The following TRIM44 variants were observed in gnomAD, a reference collection of about 807,000 sequenced individuals.
TRIM44 encodes the protein tripartite motif containing 44, also known as tripartite motif-containing protein 44.
Under a neutral mutation model 37.4 loss-of-function variants are expected in TRIM44, and 13 were observed. The observed-to-expected ratio is 0.35, with a 90% CI of 0.23 to 0.55. TRIM44 has a LOEUF of 0.55. Ranked by LOEUF, TRIM44 falls within the 20% of genes least tolerant of loss-of-function variation. The pLI is 0.89. For synonymous variants in TRIM44, 175 were observed against 157.2 expected, an observed-to-expected ratio of 1.11 and a Z score of -0.85; for missense variants, 426 against 437.2, an observed-to-expected ratio of 0.97 and a Z score of 0.23.
At position 35,806,350 on chromosome 11, in the gene TRIM44, C is replaced by T; in HGVS notation, c.1008-8C>T. ...CTTAACTCACCTGGTTCTCCTTTTC[C>T]TTTGTAGTGGTGCCAGTGAAGAAGA... is the stretch of plus-strand genomic sequence containing the variant. On this transcript the variant is annotated splice_region_variant and splice_polypyrimidine_tract_variant and intron_variant, in intron 4 of 4. Transcript: ENST00000299413. The T allele has an allele frequency of 6.2e-7, 1 of 1,613,556 alleles. No homozygotes were observed. The highest frequency in any genetic ancestry group is 1.1e-5 in the South Asian group (1 of 91,056).
intron 1 of TRIM44, among the ~76,000 whole-genome samples, chr11:35,682,961 A>G (rs1168957002): frequency 6.6e-6 from 1 of 152,130 alleles, no homozygotes; most frequent in African/African-American, 2.4e-5. Context: ...CTTGCCGAAG[A>G]GCTTAAAATG....
At chr11:35,720,656 G>A (rs757298971) in intron 2 of TRIM44, among the ~76,000 whole-genome samples, 2 of 152,134 alleles carry the variant, frequency 1.3e-5, no homozygotes, top group African/African-American at 2.4e-5. Flanking sequence ...ACCATTAAGT[G>A]TGTTGTTGGC....
chr11:35,719,436 A>G (rs146985366), intron 2 of TRIM44, among the ~76,000 whole-genome samples: 1 of 152,072 alleles, frequency 6.6e-6, no homozygotes, highest in East Asian at 1.9e-4. Context: ...TTGAGTGTTT[A>G]TGGTTCTTAG....
chr11:35,670,304 T>C (rs1448045225), intron 1 of TRIM44, among the ~76,000 whole-genome samples: 1 of 152,270 alleles, frequency 6.6e-6, no homozygotes, highest in Non-Finnish European at 1.5e-5. Flanking sequence ...CATTACTAAC[T>C]GAACTATAGA....
chr11:35,805,153 C>T (rs181548032), intron 4 of TRIM44, among the ~76,000 whole-genome samples: 11 of 152,268 alleles, frequency 7.2e-5, no homozygotes, highest in African/African-American at 2.4e-4. Flanking sequence ...TTTTACATCT[C>T]TTAGAGCTTC....
At chr11:35,665,082 G>A (rs552658279) in intron 1 of TRIM44, among the ~76,000 whole-genome samples, 3 of 152,076 alleles carry the variant, frequency 2.0e-5, no homozygotes, top group South Asian at 4.2e-4. Flanking sequence ...TTACTATTTC[G>A]AATTCCATTT....
chr11:35,701,922 G>T (rs1376628452), intron 2 of TRIM44, among the ~76,000 whole-genome samples: 1 of 152,174 alleles, frequency 6.6e-6, no homozygotes, highest in South Asian at 2.1e-4. Flanking sequence ...AGACTTCTGG[G>T]TTCCTTTTCC....
chr11:35,804,206 A>C (rs903777918), intron 4 of TRIM44, among the ~76,000 whole-genome samples: 4 of 152,188 alleles, frequency 2.6e-5, no homozygotes, highest in South Asian at 4.1e-4. Context: ...ACTGTGAGAT[A>C]AATTTCAGGC....
chr11:35,693,287 T>C (rs200223085), intron 2 of TRIM44, among the ~76,000 whole-genome samples: 1 of 152,178 alleles, frequency 6.6e-6, no homozygotes, highest in East Asian at 1.9e-4. Context: ...TTTAGTTTGC[T>C]TTAACAATTC....
At chr11:35,786,052 A>G (rs1245032302) in intron 4 of TRIM44, among the ~76,000 whole-genome samples, 5 of 152,240 alleles carry the variant, frequency 3.3e-5, no homozygotes, top group African/African-American at 7.2e-5. Flanking sequence ...TCAACCATAA[A>G]TAGCTCCTAC....
chr11:35,710,654 T>TA (rs1293389385), intron 2 of TRIM44, among the ~76,000 whole-genome samples: 3 of 152,208 alleles, frequency 2.0e-5, no homozygotes, highest in Non-Finnish European at 4.4e-5. Flanking sequence ...ATTTATAACA[T>TA]AAAAGAGTTT....
At chr11:35,693,414 G>A (rs1851660199) in intron 2 of TRIM44, among the ~76,000 whole-genome samples, 1 of 152,064 alleles carries the variant, frequency 6.6e-6, no homozygotes, top group Non-Finnish European at 1.5e-5. Context: ...AGAAACAGTA[G>A]AACAGTGAGT....
chr11:35,680,585 T>C (rs143662019), intron 1 of TRIM44, among the ~76,000 whole-genome samples: 1,655 of 152,286 alleles, frequency 0.011, 15 homozygotes, highest in Non-Finnish European at 0.017. Flanking sequence ...TTATGAATCC[T>C]TGGGGTGTTT....
intron 4 of TRIM44, among the ~76,000 whole-genome samples, chr11:35,774,003 G>C (rs539304811): frequency 6.6e-6 from 1 of 152,182 alleles, no homozygotes; most frequent in Non-Finnish European, 1.5e-5. Flanking sequence ...GGGATGGCTG[G>C]GTCAAATGGT....
chr11:35,663,444 C>T lies in TRIM44; in HGVS notation c.333C>T (p.Ser111=), dbSNP rs933211419. Residue 111 remains serine, a synonymous_variant, in exon 1 of 5, where the codon AGC becomes AGT. Transcript: ENST00000299413. ...SEEESESEEE[S]ETEEESEDES... ...AAGAGAGCGAGTCAGAGGAAGAGAG[C>T]GAGACAGAGGAAGAGAGTGAGGATG... 2.6e-6 allele frequency: 4 copies of T among 1,564,712 alleles called. No individual in the cohort carries two copies. The highest frequency in any genetic ancestry group is 1.4e-5 in the African/African-American group (1 of 73,360).
intron 4 of TRIM44, among the ~76,000 whole-genome samples, chr11:35,777,121 T>G (rs1334226043): frequency 6.6e-6 from 1 of 152,188 alleles, no homozygotes; most frequent in Non-Finnish European, 1.5e-5. Context: ...AGGACTTGCT[T>G]TATGAATCTG....
Position 35,816,535 on chromosome 11 carries a change from C to T in TRIM44, c.*10150C>T, listed in dbSNP as rs1038512929. Reference sequence around the variant, plus strand: ...ACAGAAGGGTCTCTAGAGGGTAGACCTAAGAGTAATGGAATGGAGTGAAAA... The same window carrying T: ...ACAGAAGGGTCTCTAGAGGGTAGACTTAAGAGTAATGGAATGGAGTGAAAA... On this transcript the variant is annotated 3_prime_UTR_variant, in exon 5 of 5. Transcript: ENST00000299413. 36 of 152,064 alleles carry T rather than the reference C, an allele frequency of 2.4e-4. No individual in the cohort carries two copies. Among genetic ancestry groups the T allele is most frequent in the African/African-American group, 7.7e-4 (32 of 41,388 alleles). The allele number at this position is 152,064 out of a possible 1,614,324, so 9.4% of individuals were successfully genotyped here.
intron 4 of TRIM44, among the ~76,000 whole-genome samples, chr11:35,785,414 G>T (rs536848969): frequency 6.6e-6 from 1 of 152,354 alleles, no homozygotes; most frequent in Non-Finnish European, 1.5e-5. Context: ...AAAGAAGAAT[G>T]GATAGAAGGT....
At chr11:35,761,388 GCTCTCT>G (rs58015445) in intron 4 of TRIM44, among the ~76,000 whole-genome samples, 1 of 112,760 alleles carries the variant, frequency 8.9e-6, no homozygotes. Flanking sequence ...TGTATTGTTT[GCTCTCT>G]CTCTCTCTCT....
Sources: gnomAD v4.1 joint callset for allele counts (sites outside exome capture counted in the v4.1 genomes callset) on GRCh38, gnomAD v4.1.1 for gene constraint, MANE v1.5 for transcripts, NCBI Gene and HGNC (gene_info 2026-07-23, HGNC 2026-07-21) for gene names.